Variants in KALRN observed in about 807,000 individuals in gnomAD.
The protein encoded by KALRN is kalirin.
KALRN carries 70 observed loss-of-function variants against 353.7 expected under a neutral mutation model. The ratio of observed to expected loss-of-function variants is 0.20; its 90% confidence interval spans 0.16 to 0.24. The LOEUF (loss-of-function observed/expected upper bound fraction) is 0.24, where lower values mean the gene tolerates loss of function less well. Ranked by LOEUF, KALRN falls within the 10% of genes least tolerant of loss-of-function variation. The probability of loss-of-function intolerance (pLI) is 1.00; values close to 1 mark genes in which losing one functional copy is unlikely to be tolerated. For synonymous variants in KALRN, 1,391 were observed against 1,434.8 expected, an observed-to-expected ratio of 0.97 and a Z score of 0.69; for missense variants, 2,791 against 3,756.7, an observed-to-expected ratio of 0.74 and a Z score of 6.72.
At chr3:124,199,608 T>G (rs1200663252) in intron 1 of KALRN, among the ~76,000 whole-genome samples, 1 of 152,198 alleles carries the variant, frequency 6.6e-6, no homozygotes, top group Non-Finnish European at 1.5e-5. Flanking sequence ...TAATACTGAA[T>G]TAGATGCAAT....
intron 10 of KALRN, among the ~76,000 whole-genome samples, chr3:124,380,289 C>T (rs1182145728): frequency 6.6e-6 from 1 of 152,194 alleles, no homozygotes; most frequent in Non-Finnish European, 1.5e-5. Flanking sequence ...CTAGAATGTT[C>T]TGTTTCTTCC....
At chr3:124,679,267 C>A (rs2087528008) in intron 50 of KALRN, among the ~76,000 whole-genome samples, 191 bp from the exon 51 acceptor site, 1 of 152,228 alleles carries the variant, frequency 6.6e-6, no homozygotes, top group African/African-American at 2.4e-5. Flanking sequence ...ACAACCCCCG[C>A]CTCCTCTCCC....
intron 10 of KALRN, among the ~76,000 whole-genome samples, chr3:124,356,427 G>A (rs965569503): frequency 5.3e-5 from 8 of 149,592 alleles, no homozygotes; most frequent in South Asian, 2.1e-4. Flanking sequence ...TCTGCCTCCC[G>A]GGTTCAAGTG....
intron 26 of KALRN, among the ~76,000 whole-genome samples, chr3:124,475,810 C>T (rs2061378781): frequency 1.3e-5 from 2 of 152,148 alleles, no homozygotes; most frequent in Admixed American, 1.3e-4. Context: ...CTTCCAAGCA[C>T]TCTTGTTTCT....
At chr3:124,677,580 G>A (rs754096897) in intron 49 of KALRN, 14 of 456,520 alleles carry the variant, frequency 3.1e-5, no homozygotes, top group South Asian at 7.7e-5. Context: ...AATATAGACC[G>A]AGAAACTCTT....
intron 33 of KALRN, among the ~76,000 whole-genome samples, chr3:124,525,147 G>C (rs1455779440): frequency 6.6e-6 from 1 of 152,162 alleles, no homozygotes; most frequent in Admixed American, 6.5e-5. Context: ...GACCATCAAA[G>C]GTGCCAGTGG....
chr3:124,398,476 G>C (rs748706050), intron 12 of KALRN, among the ~76,000 whole-genome samples: 15 of 152,072 alleles, frequency 9.9e-5, no homozygotes, highest in Non-Finnish European at 1.8e-4. Context: ...ACTAGTCTTG[G>C]AAATAGACTT....
intron 34 of KALRN, among the ~76,000 whole-genome samples, chr3:124,570,818 T>C (rs2073433764): frequency 6.6e-6 from 1 of 152,204 alleles, no homozygotes; most frequent in Non-Finnish European, 1.5e-5. Flanking sequence ...CATTGGCTTC[T>C]TTTGGCTCCT....
chr3:124,679,797 A>G (rs2242425), intron 51 of KALRN: 90,449 of 490,722 alleles, frequency 0.18, 9,296 homozygotes, highest in Middle Eastern at 0.25. Context: ...TTATGTAGAA[A>G]ATATCCAATT....
At chr3:124,589,999 A>G (rs2075616160) in intron 34 of KALRN, among the ~76,000 whole-genome samples, 1 of 151,934 alleles carries the variant, frequency 6.6e-6, no homozygotes, top group Admixed American at 6.6e-5. Context: ...GATGTACTCT[A>G]TTTCTATCTT....
chr3:124,479,751 T>G (rs2061783271), intron 27 of KALRN, among the ~76,000 whole-genome samples: 2 of 133,000 alleles, frequency 1.5e-5, no homozygotes, highest in Admixed American at 8.8e-5. Context: ...TGAGACGGAG[T>G]CTCGCTCTGT....
In KALRN at chr3:124,657,790, T is replaced by A. The variant is rs2084264781; in HGVS notation, c.6023T>A (p.Leu2008His). ...CAGGAGCAAGACAGATTGGCACAGC[T>A]CTTTATTAAGCACGTGAGTGTCTCC... ...CIQEQDRLAQ[L>H]FIKHERKLHI... The change falls in exon 41 of 60, where the codon CTC (leucine) becomes CAC (histidine). Residue 2008 changes from leucine (L) to histidine (H), a missense_variant. Transcript: ENST00000682506. 2.5e-6 allele frequency: 4 copies of A among 1,612,612 alleles called. No homozygotes were observed. The highest frequency in any genetic ancestry group is 3.4e-6 in the Non-Finnish European group (4 of 1,178,614).
chr3:124,661,567 G>T (rs1388350430), intron 44 of KALRN, among the ~76,000 whole-genome samples: 1 of 152,226 alleles, frequency 6.6e-6, no homozygotes, highest in Non-Finnish European at 1.5e-5. Context: ...GAAGGCAAGG[G>T]AATTGATGAA....
At chr3:124,069,148 A>G (rs1231104347) in intron 1 of KALRN, among the ~76,000 whole-genome samples, 4 of 152,118 alleles carry the variant, frequency 2.6e-5, no homozygotes, top group African/African-American at 7.2e-5. Flanking sequence ...TTTGGGCCCT[A>G]TTTTTAAGAT....
At chr3:124,600,403 G>C (rs557699602) in intron 34 of KALRN, among the ~76,000 whole-genome samples, 2 of 152,318 alleles carry the variant, frequency 1.3e-5, no homozygotes, top group East Asian at 3.9e-4. Context: ...CTCTTGTTTG[G>C]TTGCCTGGCT....
chr3:124,560,670 TAGTG>T (rs1163165505), intron 33 of KALRN, among the ~76,000 whole-genome samples: 1 of 152,152 alleles, frequency 6.6e-6, no homozygotes, highest in Non-Finnish European at 1.5e-5. Flanking sequence ...AAGAAAAACA[TAGTG>T]AGACCATGTC....
chr3:124,129,116 A>G (rs902488133), intron 1 of KALRN, among the ~76,000 whole-genome samples: 1 of 152,114 alleles, frequency 6.6e-6, no homozygotes, highest in African/African-American at 2.4e-5. Context: ...TTCCTAAGAA[A>G]ATTCCTAAAA....
At chr3:124,709,994 C>T (rs645703) in intron 57 of KALRN, among the ~76,000 whole-genome samples, 68,510 of 152,092 alleles carry the variant, frequency 0.45, 16,083 homozygotes, top group East Asian at 0.71. Context: ...ACATTACCAG[C>T]AACAATAGAA....
chr3:124,081,326 C>G (rs545087571), intron 1 of KALRN, among the ~76,000 whole-genome samples: 34 of 152,270 alleles, frequency 2.2e-4, no homozygotes, highest in African/African-American at 7.5e-4. Flanking sequence ...CTGTCCACTC[C>G]CAGTTGCCTG....
Sources: allele counts gnomAD v4.1 joint callset (sites outside exome capture counted in the v4.1 genomes callset), GRCh38; gene constraint gnomAD v4.1.1; transcripts MANE v1.5; gene names NCBI Gene and HGNC (gene_info 2026-07-23, HGNC 2026-07-21).